PDCD6: variants seen among roughly 807,000 people sequenced by gnomAD.
PDCD6 encodes the protein programmed cell death 6, also known as programmed cell death protein 6.
In PDCD6, 12 loss-of-function variants were observed where a neutral mutation model predicts 28.3. The ratio of observed to expected loss-of-function variants is 0.42; its 90% CI spans 0.27 to 0.69. The LOEUF is 0.69. PDCD6 is among the 30% of genes least tolerant of loss of function. The pLI, the probability that PDCD6 is intolerant of heterozygous loss-of-function variation, is 0.22. For synonymous variants in PDCD6, 92 were observed against 108.0 expected (o/e 0.85, Z 0.92); for missense variants, 226 against 269.9 (o/e 0.84, Z 1.14).
At position 307,309 on chromosome 5, in the gene PDCD6, ACGCG is replaced by A. The variant is rs1740581746; in HGVS notation, c.367+550_367+553del. On this transcript the variant is annotated intron_variant, in intron 4 of 5. Coordinates refer to ENST00000264933, the MANE Select transcript of PDCD6 (RefSeq NM_013232.4). The surrounding 1 kb of genome is among the most constrained non-coding windows in gnomAD (Gnocchi z 6.1). The stretch of plus-strand genomic sequence containing the variant: ...CGCCTCAGAAGGGGCGTTAGGCAGA[ACGCG>A]TGCCCATTCTCAGGTGTGCTCGGCG... Among the ~76,000 whole-genome samples the A allele has an allele frequency of 1.1e-5, 1 of 89,066 alleles. No individual in the cohort carries two copies. The highest frequency in any genetic ancestry group is 2.4e-5 in the Non-Finnish European group (1 of 41,900). 58.4% of individuals were successfully genotyped at this position (89,066 alleles called of 152,430 possible). A position where few individuals can be genotyped will look rare whatever the true frequency, so the allele number is the denominator to read the frequency against.
intron 2 of PDCD6, among the ~76,000 whole-genome samples, chr5:296,034 G>T (rs2126731824): frequency 6.6e-6 from 1 of 152,274 alleles, no homozygotes; most frequent in Non-Finnish European, 1.5e-5. Flanking sequence ...CTGTCCAGAT[G>T]GCGTGATCTG....
At chr5:288,048 A>G (rs1378245475) in intron 2 of PDCD6, among the ~76,000 whole-genome samples, 2 of 152,136 alleles carry the variant, frequency 1.3e-5, no homozygotes, top group Non-Finnish European at 2.9e-5. Flanking sequence ...GGCACCTCAG[A>G]AGTATACAAA....
rs770798188 is a variant in PDCD6 at position 305,721 on chromosome 5, C to G, written c.209-881C>G. On this transcript the variant is annotated intron_variant, in intron 3 of 5. Transcript: ENST00000264933. This position sits in a 1 kb window ranked among gnomAD's most constrained non-coding sequence, Gnocchi z 4.0. Reference sequence around the variant, plus strand: ...GGTCGTATGAAAAACAGCCCCTGGTCCACACACCACACACGTCGTGGAACG... The same window carrying G: ...GGTCGTATGAAAAACAGCCCCTGGTGCACACACCACACACGTCGTGGAACG... The G allele has an allele frequency of 6.6e-6, 1 of 152,248 alleles. No individual in the cohort carries two copies. Among genetic ancestry groups the G allele is most frequent in the Non-Finnish European group, 1.5e-5 (1 of 68,060 alleles). The allele number at this position is 152,248 out of a possible 1,614,324, so 9.4% of individuals were successfully genotyped here.
At chr5:272,488 G>C (rs1406527056) in intron 1 of PDCD6, among the ~76,000 whole-genome samples, 1 of 139,246 alleles carries the variant, frequency 7.2e-6, no homozygotes, top group Non-Finnish European at 1.5e-5. Flanking sequence ...GAGGAAGGAA[G>C]GGAAGGATTG....
At chr5:276,896 A>C (rs1208422424) in intron 2 of PDCD6, 3 of 984,820 alleles carry the variant, frequency 3.0e-6, no homozygotes, top group Non-Finnish European at 2.4e-6. Flanking sequence ...ATGAAGAAGA[A>C]GACTGTTCTC....
At chr5:282,389 T>G (rs1366231414) in intron 2 of PDCD6, among the ~76,000 whole-genome samples, 3 of 151,540 alleles carry the variant, frequency 2.0e-5, no homozygotes, top group Non-Finnish European at 4.4e-5. Flanking sequence ...GAGCTGATGT[T>G]GTAGTTTGAG....
intron 2 of PDCD6, among the ~76,000 whole-genome samples, chr5:296,559 G>A (rs879734681): frequency 2.0e-5 from 3 of 152,188 alleles, no homozygotes; most frequent in Admixed American, 2.0e-4. Flanking sequence ...GACATGAATG[G>A]GTCTCAGATA....
chr5:280,201 C>T (rs1349399363), intron 2 of PDCD6, among the ~76,000 whole-genome samples: 8 of 151,930 alleles, frequency 5.3e-5, no homozygotes, highest in Middle Eastern at 3.2e-3. Flanking sequence ...ATGCAGAGCC[C>T]GGGAAAGGCA....
At chr5:275,003 G>A (rs911114108) in intron 2 of PDCD6, among the ~76,000 whole-genome samples, 66 of 152,204 alleles carry the variant, frequency 4.3e-4, no homozygotes, top group African/African-American at 1.1e-3. Context: ...CCCTCTCACC[G>A]TGGTCCCAAT....
intron 2 of PDCD6, chr5:276,397 A>C: frequency 1.0e-6 from 1 of 998,152 alleles, no homozygotes; most frequent in Non-Finnish European, 1.2e-6. Context: ...GTTGTGTTGT[A>C]TGTACAGGCA....
In PDCD6 at chr5:305,894, A is replaced by G. The variant is rs1740447663; in HGVS notation, c.209-708A>G. ...ATTGTAACATATTTCTGATCAAACC[A>G]GGAGTAGTCTTATTGCAGTCCTGTA... On this transcript the variant is annotated intron_variant, in intron 3 of 5. Transcript: ENST00000264933. This position sits in a 1 kb window ranked among gnomAD's most constrained non-coding sequence, Gnocchi z 4.0. 6.6e-6 allele frequency: 1 copy of G among 152,292 alleles called. No homozygotes were observed. Among genetic ancestry groups the G allele is most frequent in the Admixed American group, 6.5e-5 (1 of 15,284 alleles). The allele number at this position is 152,292 out of a possible 1,614,324, so 9.4% of individuals were successfully genotyped here.
chr5:289,899 G>C, intron 2 of PDCD6: 1 of 1,501,410 alleles, frequency 6.7e-7, no homozygotes, highest in Non-Finnish European at 9.3e-7. Context: ...TATTGGAATT[G>C]TTTTTCTCTG....
chr5:298,027 A>G (rs1241318073), intron 2 of PDCD6, among the ~76,000 whole-genome samples: 2 of 152,230 alleles, frequency 1.3e-5, no homozygotes, highest in Admixed American at 6.5e-5. Context: ...ACGTAAATAA[A>G]TGAAGCCATT....
intron 5 of PDCD6, chr5:312,229 AC>A (rs1331266260): frequency 2.0e-5 from 3 of 152,030 alleles, no homozygotes; most frequent in African/African-American, 7.2e-5. Flanking sequence ...TCTCTTTGAG[AC>A]CCACGGGAGA....
chr5:272,152 C>T (rs1362063978), intron 1 of PDCD6, among the ~76,000 whole-genome samples: 1 of 150,550 alleles, frequency 6.6e-6, no homozygotes, highest in Non-Finnish European at 1.5e-5. Flanking sequence ...GACCCGAGGT[C>T]GCGGCCACCG....
chr5:295,063 C>T (rs1739523336), intron 2 of PDCD6, among the ~76,000 whole-genome samples: 1 of 152,154 alleles, frequency 6.6e-6, no homozygotes, highest in African/African-American at 2.4e-5. Context: ...GCGTGAGCAC[C>T]TGCACCTCAC....
intron 2 of PDCD6, among the ~76,000 whole-genome samples, chr5:299,702 G>GCCA (rs1213464075): frequency 6.6e-6 from 1 of 151,886 alleles, no homozygotes; most frequent in Non-Finnish European, 1.5e-5. Flanking sequence ...GGCACACGCC[G>GCCA]CCATGCCTGG....
intron 2 of PDCD6, among the ~76,000 whole-genome samples, chr5:297,566 C>CACCCATGAA (rs1458036732): frequency 6.6e-6 from 1 of 152,196 alleles, no homozygotes; most frequent in Non-Finnish European, 1.5e-5. Flanking sequence ...CCTGAGCAAA[C>CACCCATGAA]ACCCATGAAA....
Position 272,776 on chromosome 5 carries a change from A to C in PDCD6, c.163+4A>C. 6.3e-7 allele frequency: 1 copy of C among 1,577,570 alleles called. No individual in the cohort carries two copies. Among genetic ancestry groups the C allele is most frequent in the South Asian group, 1.1e-5 (1 of 90,180 alleles). On this transcript the variant is annotated splice_donor_region_variant and intron_variant, in intron 2 of 5. Transcript: ENST00000264933. ...CTTCAGCAAGCTCTCTCCAACGGTG[A>C]GTGGGCCAGTGGGAACTGGGTCTCC...
Sources: gnomAD v4.1 joint callset for allele counts (sites outside exome capture counted in the v4.1 genomes callset) on GRCh38, gnomAD v4.1.1 for gene constraint, Gnocchi (gnomAD v3.1) non-coding constraint, MANE v1.5 for transcripts, NCBI Gene and HGNC (gene_info 2026-07-23, HGNC 2026-07-21) for gene names.